C11orf65: variants seen among roughly 807,000 people sequenced by gnomAD.
The protein encoded by C11orf65 is protein MFI.
A neutral mutation model predicts 35.3 loss-of-function variants in C11orf65; 38 were observed. That is an observed-to-expected ratio of 1.08 (90% CI 0.83 to 1.41). The LOEUF (loss-of-function observed/expected upper bound fraction) is 1.41. Ranked by LOEUF, C11orf65 falls within the 40% of genes most tolerant of loss-of-function variation. The pLI is 0.00. For missense variants in C11orf65, 370 were observed against 367.1 expected (o/e 1.01, Z -0.06); for synonymous variants, 105 against 114.4 (o/e 0.92, Z 0.53).
chr11:108,330,310 A>G (rs1426961483), downstream of C11orf65: 1 of 1,613,980 alleles, frequency 6.2e-7, no homozygotes, highest in Non-Finnish European at 8.5e-7. Context: ...AAGCAGTTGA[A>G]AATTATATCA....
At chr11:108,451,624 A>G (rs1218354836) in intron 2 of C11orf65, among the ~76,000 whole-genome samples, 4 of 151,948 alleles carry the variant, frequency 2.6e-5, no homozygotes, top group Non-Finnish European at 4.4e-5. Flanking sequence ...CAAGCTACCA[A>G]TGACTTTCTT....
intron 3 of C11orf65, among the ~76,000 whole-genome samples, chr11:108,428,980 C>T (rs1487622514): frequency 6.6e-6 from 1 of 151,962 alleles, no homozygotes; most frequent in Non-Finnish European, 1.5e-5. Context: ...GATCCCATCT[C>T]TACAAAAAAT....
chr11:108,428,392 C>G (rs1360355992), intron 3 of C11orf65, among the ~76,000 whole-genome samples: 2 of 152,126 alleles, frequency 1.3e-5, no homozygotes, highest in Non-Finnish European at 2.9e-5. Flanking sequence ...TTCACAATAG[C>G]AAAGACTTGG....
chr11:108,332,228 G>C (rs570976588), intron 3 of C11orf65, among the ~76,000 whole-genome samples: 20 of 152,188 alleles, frequency 1.3e-4, no homozygotes, highest in Non-Finnish European at 1.0e-4. Flanking sequence ...AGAAGTTCGA[G>C]ACCATCCTGG....
chr11:108,336,097 G>A (rs1285007701), intron 2 of C11orf65: 10 of 664,074 alleles, frequency 1.5e-5, no homozygotes, highest in African/African-American at 3.6e-5. Context: ...AGGAGTTCGA[G>A]ACCAGCCTCA....
intron 6 of C11orf65, among the ~76,000 whole-genome samples, chr11:108,396,874 T>TAAAA (rs751412466): frequency 3.6e-5 from 5 of 139,310 alleles, no homozygotes; most frequent in Non-Finnish European, 7.9e-5. Context: ...AATAAATAAA[T>TAAAA]AAAATAAAAT....
At chr11:108,440,965 T>G (rs1428492214) in intron 2 of C11orf65, among the ~76,000 whole-genome samples, 1 of 152,170 alleles carries the variant, frequency 6.6e-6, no homozygotes, top group Admixed American at 6.5e-5. Context: ...TTCATCTCAC[T>G]GGGGCTTGTC....
At chr11:108,439,885 G>A (rs1002371999) in intron 2 of C11orf65, among the ~76,000 whole-genome samples, 2 of 152,132 alleles carry the variant, frequency 1.3e-5, no homozygotes, top group African/African-American at 2.4e-5. Flanking sequence ...ATGGATACTG[G>A]TGATAGGTGC....
Position 108,405,423 on chromosome 11 carries a change from A to G in C11orf65, c.560+6T>C, listed in dbSNP as rs181999577. ...TATTTCCTTAGTAAGTGTTTCATCA[A>G]CTTACATTTGCCTCATCCACTCTAT... On this transcript the variant is annotated splice_donor_region_variant and intron_variant, in intron 6 of 8. Coordinates refer to ENST00000393084, the MANE Select transcript of C11orf65 (RefSeq NM_152587.5). The G allele has an allele frequency of 6.8e-4, 1,090 of 1,608,338 alleles. 4 individuals are homozygous for G. The highest frequency in any genetic ancestry group is 5.1e-3 in the Middle Eastern group (31 of 6,048).
Position 108,343,260 on chromosome 11 carries a change from G to A in C11orf65, c.227-7968C>T, listed in dbSNP as rs778269655. ...CTCAGCGAAGTGGTGTTCTTGAATG[G>A]TGCACAGGAACTGTCCCCATTGGTG... On this transcript the variant is annotated intron_variant, in intron 2 of 3. Coordinates refer to the C11orf65 transcript ENST00000524755. The A allele has an allele frequency of 1.6e-5, 26 of 1,613,842 alleles. No homozygotes were observed. Among genetic ancestry groups the A allele is most frequent in the Non-Finnish European group, 2.2e-5 (26 of 1,179,924 alleles).
intron 2 of C11orf65, among the ~76,000 whole-genome samples, chr11:108,439,713 A>G (rs188386847): frequency 6.6e-6 from 1 of 152,324 alleles, no homozygotes; most frequent in African/African-American, 2.4e-5. Context: ...TGAGTAAAAT[A>G]AGCCAGATAC....
At chr11:108,327,780 T>G (rs746403191), downstream of C11orf65, 1 of 1,527,636 alleles carries the variant, frequency 6.5e-7, no homozygotes, top group Non-Finnish European at 9.1e-7. Flanking sequence ...GGAGCAACCC[T>G]TAAGATAGTT....
chr11:108,440,646 G>A (rs1407604502), intron 2 of C11orf65, among the ~76,000 whole-genome samples: 1 of 152,162 alleles, frequency 6.6e-6, no homozygotes, highest in African/African-American at 2.4e-5. Flanking sequence ...ACTTCAGCAT[G>A]GCAGTTTCAG....
At chr11:108,311,975 A>C (rs2084200855) in intron 6 of C11orf65, among the ~76,000 whole-genome samples, 1 of 152,190 alleles carries the variant, frequency 6.6e-6, no homozygotes, top group Non-Finnish European at 1.5e-5. Flanking sequence ...CTACTGATCT[A>C]CTTCCTTTTC....
chr11:108,457,401 A>T (rs1405203537), intron 2 of C11orf65, among the ~76,000 whole-genome samples: 9 of 152,076 alleles, frequency 5.9e-5, no homozygotes, highest in Non-Finnish European at 1.3e-4. Flanking sequence ...CCCAGCACTT[A>T]GGGAGGGAGA....
At chr11:108,344,434 C>G (rs1034011093) in intron 2 of C11orf65, among the ~76,000 whole-genome samples, 1 of 152,070 alleles carries the variant, frequency 6.6e-6, no homozygotes, top group Non-Finnish European at 1.5e-5. Flanking sequence ...GAGATTGGAG[C>G]AGTAATTGTT....
At chr11:108,444,089 G>A (rs1431279691) in intron 2 of C11orf65, among the ~76,000 whole-genome samples, 1 of 151,890 alleles carries the variant, frequency 6.6e-6, no homozygotes. Context: ...TAATAAAGAA[G>A]AAAAGAGAGA....
chr11:108,356,915 T>G (rs1466528326), intron 2 of C11orf65, among the ~76,000 whole-genome samples: 1 of 152,180 alleles, frequency 6.6e-6, no homozygotes, highest in Non-Finnish European at 1.5e-5. Context: ...AACTGTCACC[T>G]TTAAACACAC....
At chr11:108,448,277 C>CT (rs1470232919) in intron 2 of C11orf65, among the ~76,000 whole-genome samples, 1 of 152,170 alleles carries the variant, frequency 6.6e-6, no homozygotes, top group African/African-American at 2.4e-5. Context: ...CTCCCTAACT[C>CT]TTTTTATGAG....
Sources: gnomAD v4.1 joint callset for allele counts (sites outside exome capture counted in the v4.1 genomes callset) on GRCh38, gnomAD v4.1.1 for gene constraint, MANE v1.5 for transcripts, NCBI Gene and HGNC (gene_info 2026-07-23, HGNC 2026-07-21) for gene names.